Variants in EFL1 observed in about 807,000 individuals in gnomAD.
The protein encoded by EFL1 is elongation factor like GTPase 1, also known as elongation factor-like GTPase 1.
EFL1 carries 76 observed loss-of-function variants against 126.7 expected under a neutral mutation model. That is an observed-to-expected ratio of 0.60 (90% CI 0.50 to 0.73). EFL1 has a LOEUF of 0.73. EFL1 is among the 30% of genes least tolerant of loss of function. EFL1 has a pLI of 0.00. For synonymous variants in EFL1, 410 were observed against 448.4 expected, an observed-to-expected ratio of 0.91 and a Z score of 1.08; for missense variants, 1,128 against 1,343.2, an observed-to-expected ratio of 0.84 and a Z score of 2.50.
chr15:82,255,351 C>T (rs2075057867), intron 3 of EFL1, among the ~76,000 whole-genome samples: 1 of 152,116 alleles, frequency 6.6e-6, no homozygotes, highest in South Asian at 2.1e-4. Context: ...CTACTGGTTG[C>T]AATACAGATT....
At chr15:82,147,488 A>G (rs938466019) in intron 18 of EFL1, among the ~76,000 whole-genome samples, 1 of 151,038 alleles carries the variant, frequency 6.6e-6, no homozygotes, top group Non-Finnish European at 1.5e-5. Context: ...ACAACAAAAA[A>G]AAAATTAGCT....
intron 15 of EFL1, among the ~76,000 whole-genome samples, chr15:82,191,191 A>G (rs2074355953): frequency 6.6e-6 from 1 of 152,200 alleles, no homozygotes; most frequent in African/African-American, 2.4e-5. Flanking sequence ...CATTGCAGTA[A>G]GTTACACCCA....
chr15:82,229,881 A>G (rs2074803175), intron 8 of EFL1, among the ~76,000 whole-genome samples: 1 of 152,228 alleles, frequency 6.6e-6, no homozygotes, highest in South Asian at 2.1e-4. Flanking sequence ...TATTTCATAG[A>G]ATCATAACTA....
intron 18 of EFL1, among the ~76,000 whole-genome samples, chr15:82,146,317 C>T (rs2073845402): frequency 6.6e-6 from 1 of 152,136 alleles, no homozygotes; most frequent in African/African-American, 2.4e-5. Context: ...TGTGCCGATT[C>T]TTGGAGAATC....
At chr15:82,156,561 G>T (rs1024981992) in intron 17 of EFL1, among the ~76,000 whole-genome samples, 21 of 152,222 alleles carry the variant, frequency 1.4e-4, no homozygotes, top group African/African-American at 5.1e-4. Flanking sequence ...GGGATTAGAG[G>T]CGTGAGCCAC....
chr15:82,258,573 A>G (rs1010781632), intron 3 of EFL1, among the ~76,000 whole-genome samples: 2 of 152,044 alleles, frequency 1.3e-5, no homozygotes, highest in African/African-American at 4.8e-5. Flanking sequence ...AAACCAAAAA[A>G]CCCACTATTT....
intron 11 of EFL1, among the ~76,000 whole-genome samples, chr15:82,226,165 G>GTTGT (rs555369747): frequency 1.3e-5 from 2 of 149,690 alleles, no homozygotes; most frequent in Non-Finnish European, 3.0e-5. Flanking sequence ...TGTTGTTGTT[G>GTTGT]TTGTTTGTTT....
chr15:82,139,965 T>C (rs77975865), intron 18 of EFL1, among the ~76,000 whole-genome samples: 3,207 of 152,288 alleles, frequency 0.021, 116 homozygotes, highest in African/African-American at 0.072. Context: ...TTCTCTCTGA[T>C]TCAGATTTCC....
chr15:82,132,291 C>T (rs919066740), intron 19 of EFL1, among the ~76,000 whole-genome samples: 2 of 152,084 alleles, frequency 1.3e-5, no homozygotes, highest in Non-Finnish European at 2.9e-5. Context: ...TGAATCAGAC[C>T]AACGAGACGC....
At chr15:82,260,463 T>C (rs2075103386) in intron 2 of EFL1, among the ~76,000 whole-genome samples, 2 of 152,134 alleles carry the variant, frequency 1.3e-5, no homozygotes, top group Non-Finnish European at 2.9e-5. Context: ...TTTGGATCCA[T>C]CCTAAGCATG....
chr15:82,202,247 G>A (rs1418750541), intron 15 of EFL1, among the ~76,000 whole-genome samples: 3 of 152,004 alleles, frequency 2.0e-5, no homozygotes, highest in East Asian at 3.9e-4. Context: ...GAACAAAAGA[G>A]TACTTTTCCC....
chr15:82,256,095 C>T (rs544263824), intron 3 of EFL1, among the ~76,000 whole-genome samples: 1 of 152,136 alleles, frequency 6.6e-6, no homozygotes, highest in Admixed American at 6.5e-5. Context: ...TCTCCAATAT[C>T]TCATAGGTTT....
intron 15 of EFL1, among the ~76,000 whole-genome samples, chr15:82,167,205 T>C (rs921806713): frequency 2.0e-5 from 3 of 152,218 alleles, no homozygotes; most frequent in African/African-American, 7.2e-5. Flanking sequence ...CCAAGAATTC[T>C]AGTTTTTATA....
chr15:82,172,215 T>C (rs1448075551), intron 15 of EFL1, among the ~76,000 whole-genome samples: 2 of 152,236 alleles, frequency 1.3e-5, no homozygotes, highest in Admixed American at 6.5e-5. Context: ...GTAGGTCTTA[T>C]GTACTGTAGA....
chr15:82,219,075 T>C (rs1210063461), intron 14 of EFL1, among the ~76,000 whole-genome samples: 1 of 152,218 alleles, frequency 6.6e-6, no homozygotes, highest in Non-Finnish European at 1.5e-5. Context: ...ACCTCTATTA[T>C]TTAATTATGA....
chr15:82,251,850 T>C (rs1293675261), intron 4 of EFL1, among the ~76,000 whole-genome samples: 4 of 152,224 alleles, frequency 2.6e-5, no homozygotes, highest in Admixed American at 2.6e-4. Flanking sequence ...TACAAAAATA[T>C]ACATTTTGTG....
intron 19 of EFL1, among the ~76,000 whole-genome samples, chr15:82,135,441 T>C (rs1402341491): frequency 6.6e-6 from 1 of 152,178 alleles, no homozygotes; most frequent in African/African-American, 2.4e-5. Context: ...TCTTTGGTAA[T>C]AGATATTTCA....
chr15:82,235,749 C>A lies in EFL1; in HGVS notation c.731+2558G>T, dbSNP rs555559663. Among the ~76,000 whole-genome samples the A allele has an allele frequency of 3.7e-3, 558 of 152,186 alleles. 3 individuals are homozygous for A. Among genetic ancestry groups the A allele is most frequent in the Non-Finnish European group, 5.5e-3 (376 of 67,988 alleles). The stretch of plus-strand genomic sequence containing the variant: ...CCTGCAGTCCTAACATTATTTCTAA[C>A]GGTGAAAGGCTTAATGCTTTCCTCC... On this transcript the variant is annotated intron_variant, in intron 7 of 19. Transcript: ENST00000268206.
intron 14 of EFL1, among the ~76,000 whole-genome samples, chr15:82,219,354 T>A (rs2074683820): frequency 6.6e-6 from 1 of 152,222 alleles, no homozygotes; most frequent in Admixed American, 6.5e-5. Flanking sequence ...CAGCATGACA[T>A]CTGCTCTTAT....
Sources: gnomAD v4.1 joint callset for allele counts (sites outside exome capture counted in the v4.1 genomes callset) on GRCh38, gnomAD v4.1.1 for gene constraint, MANE v1.5 for transcripts, NCBI Gene and HGNC (gene_info 2026-07-23, HGNC 2026-07-21) for gene names.